Variants in NELL1 observed in about 807,000 individuals in gnomAD.
The protein encoded by NELL1 is neural EGFL like 1.
In NELL1, 76 loss-of-function variants were observed where a neutral mutation model predicts 107.4. The observed-to-expected ratio is 0.71, with a 90% CI of 0.59 to 0.86. NELL1 has a LOEUF of 0.86. Among genes scored for constraint, NELL1 ranks in the 40% least tolerant of loss-of-function variants. The probability of loss-of-function intolerance (pLI) is 0.00; values close to 1 mark genes in which losing one functional copy is unlikely to be tolerated. For missense variants in NELL1, 1,024 were observed against 1,005.5 expected, an observed-to-expected ratio of 1.02 and a Z score of -0.25; for synonymous variants, 353 against 341.2, an observed-to-expected ratio of 1.03 and a Z score of -0.38.
chr11:20,787,379 C>T (rs548735783), intron 3 of NELL1, among the ~76,000 whole-genome samples: 1 of 152,282 alleles, frequency 6.6e-6, no homozygotes, highest in Non-Finnish European at 1.5e-5. Context: ...TTATAACTCT[C>T]CTCCCCTCGC....
intron 15 of NELL1, among the ~76,000 whole-genome samples, chr11:21,491,680 G>A (rs1854820563): frequency 6.6e-6 from 1 of 152,004 alleles, no homozygotes; most frequent in Non-Finnish European, 1.5e-5. Context: ...TGGCGATGTG[G>A]GCTCTTTTTT....
intron 15 of NELL1, among the ~76,000 whole-genome samples, chr11:21,499,001 TAC>T (rs1449537045): frequency 3.3e-5 from 5 of 152,070 alleles, no homozygotes; most frequent in Non-Finnish European, 5.9e-5. Flanking sequence ...CCTGTAGAAT[TAC>T]AGAGTTTATA....
At chr11:21,151,380 G>T (rs760027170) in intron 13 of NELL1, among the ~76,000 whole-genome samples, 2 of 152,054 alleles carry the variant, frequency 1.3e-5, no homozygotes, top group African/African-American at 2.4e-5. Flanking sequence ...ACTTCTGATC[G>T]CAACTTACAA....
At chr11:20,827,276 T>A (rs1857904764) in intron 3 of NELL1, among the ~76,000 whole-genome samples, 1 of 151,334 alleles carries the variant, frequency 6.6e-6, no homozygotes, top group Non-Finnish European at 1.5e-5. Context: ...CAAAGCTCTG[T>A]AGATACTGTC....
chr11:21,035,682 C>T (rs1853073857), intron 12 of NELL1, among the ~76,000 whole-genome samples: 1 of 152,148 alleles, frequency 6.6e-6, no homozygotes, highest in Non-Finnish European at 1.5e-5. Flanking sequence ...TAAAATTCAA[C>T]ACCCCTCATG....
intron 2 of NELL1, among the ~76,000 whole-genome samples, chr11:20,706,377 A>T (rs548098871): frequency 6.6e-6 from 1 of 152,228 alleles, no homozygotes; most frequent in South Asian, 2.1e-4. Context: ...AGGGACATGG[A>T]TGAAGCTGGA....
intron 5 of NELL1, among the ~76,000 whole-genome samples, chr11:20,915,720 T>A (rs866780590): frequency 0.036 from 4,017 of 110,162 alleles, 68 homozygotes; most frequent in Non-Finnish European, 0.052. Context: ...TATATATATT[T>A]TTTTTTTTTT....
In NELL1 at chr11:21,249,808, T is replaced by C. The variant is rs369260196; in HGVS notation, c.1549+20354T>C. ...GAGGCCCAATTTTAATCATAATGTG[T>C]GCAAATTTTAAAAGGTAACTGTCAG... On this transcript the variant is annotated intron_variant, in intron 14 of 19. Coordinates refer to ENST00000357134, the MANE Select transcript of NELL1 (RefSeq NM_006157.5). Among the ~76,000 whole-genome samples, 5 of 152,136 alleles carry C rather than the reference T, an allele frequency of 3.3e-5. No homozygotes were observed. In the East Asian group the frequency reaches 7.7e-4, roughly 23 times the overall value.
chr11:21,548,052 A>G (rs1343736635), intron 16 of NELL1, among the ~76,000 whole-genome samples: 1 of 151,940 alleles, frequency 6.6e-6, no homozygotes, highest in Non-Finnish European at 1.5e-5. Context: ...AGATAATGAG[A>G]GTAGCATTAT....
chr11:20,799,787 C>T (rs1857246305), intron 3 of NELL1, among the ~76,000 whole-genome samples: 1 of 152,194 alleles, frequency 6.6e-6, no homozygotes, highest in Non-Finnish European at 1.5e-5. Flanking sequence ...CTTTGGGATA[C>T]AGATGGTCCC....
chr11:21,150,999 C>G (rs951582797), intron 13 of NELL1, among the ~76,000 whole-genome samples: 13 of 152,058 alleles, frequency 8.5e-5, no homozygotes, highest in Non-Finnish European at 2.9e-5. Flanking sequence ...TTTAAACAAC[C>G]AGATCTCATG....
intron 2 of NELL1, among the ~76,000 whole-genome samples, chr11:20,755,991 C>A (rs1470483286): frequency 1.3e-5 from 2 of 149,792 alleles, no homozygotes; most frequent in East Asian, 3.9e-4. Context: ...CTGCCGGGTT[C>A]ATGCCATTTT....
intron 15 of NELL1, among the ~76,000 whole-genome samples, chr11:21,521,088 A>T (rs914480223): frequency 6.6e-6 from 1 of 152,242 alleles, no homozygotes; most frequent in African/African-American, 2.4e-5. Flanking sequence ...TTACAGATCT[A>T]AAGTTATGGC....
chr11:20,857,288 C>T (rs547156731), intron 4 of NELL1, among the ~76,000 whole-genome samples: 9 of 152,198 alleles, frequency 5.9e-5, no homozygotes, highest in South Asian at 2.1e-4. Flanking sequence ...TGAATAAAAC[C>T]GTATTTCACC....
chr11:21,015,890 T>C (rs762309125), intron 12 of NELL1, among the ~76,000 whole-genome samples: 2 of 152,114 alleles, frequency 1.3e-5, no homozygotes, highest in Non-Finnish European at 2.9e-5. Context: ...TGTGACCGTT[T>C]CTGGGTGACT....
intron 15 of NELL1, among the ~76,000 whole-genome samples, chr11:21,376,967 A>G (rs1210327922): frequency 6.6e-6 from 1 of 152,002 alleles, no homozygotes; most frequent in Non-Finnish European, 1.5e-5. Flanking sequence ...GACTTTCTAG[A>G]TATAGGATTG....
At chr11:21,457,917 A>ACC (rs1191504667) in intron 15 of NELL1, among the ~76,000 whole-genome samples, 2 of 152,204 alleles carry the variant, frequency 1.3e-5, no homozygotes, top group Non-Finnish European at 2.9e-5. Context: ...ATGTGTGGAA[A>ACC]ATGACAAGAA....
chr11:20,708,007 C>G (rs1348695428), intron 2 of NELL1, among the ~76,000 whole-genome samples: 1 of 152,214 alleles, frequency 6.6e-6, no homozygotes, highest in Non-Finnish European at 1.5e-5. Flanking sequence ...GTTGGAGCTT[C>G]CCGGCTGCTT....
At chr11:21,024,091 C>A (rs1852760516) in intron 12 of NELL1, among the ~76,000 whole-genome samples, 1 of 151,892 alleles carries the variant, frequency 6.6e-6, no homozygotes, top group Non-Finnish European at 1.5e-5. Context: ...AATTCCTATT[C>A]TTTATAGAGA....
Sources: gnomAD v4.1 joint callset for allele counts (sites outside exome capture counted in the v4.1 genomes callset) on GRCh38, gnomAD v4.1.1 for gene constraint, MANE v1.5 for transcripts, NCBI Gene and HGNC (gene_info 2026-07-23, HGNC 2026-07-21) for gene names.